The following CCDC7 variants were observed in gnomAD, a reference collection of about 807,000 sequenced individuals.
The protein encoded by CCDC7 is coiled-coil domain-containing protein 7.
In CCDC7, 183 loss-of-function variants were observed where a neutral mutation model predicts 196.9. That is an observed-to-expected ratio of 0.93 (90% CI 0.82 to 1.05). CCDC7 has a LOEUF of 1.05. CCDC7 is among the 50% of genes least tolerant of loss of function. The probability of loss-of-function intolerance (pLI) is 0.00; values close to 1 mark genes in which losing one functional copy is unlikely to be tolerated. For synonymous variants in CCDC7, 525 were observed against 484.6 expected (o/e 1.08, Z -1.10); for missense variants, 1,540 against 1,482.2 (o/e 1.04, Z -0.64).
chr10:32,671,076 A>G (rs909098667), intron 21 of CCDC7, among the ~76,000 whole-genome samples: 3 of 152,204 alleles, frequency 2.0e-5, no homozygotes, highest in African/African-American at 4.8e-5. Context: ...TTATTATTGA[A>G]TAAAGAAAAT....
chr10:32,821,522 T>C (rs2090190655), intron 31 of CCDC7, among the ~76,000 whole-genome samples: 1 of 152,188 alleles, frequency 6.6e-6, no homozygotes, highest in Admixed American at 6.5e-5. Context: ...CGTATGTTTA[T>C]TGCGGCACTA....
At chr10:32,821,098 A>G (rs1489011118) in intron 31 of CCDC7, among the ~76,000 whole-genome samples, 1 of 152,222 alleles carries the variant, frequency 6.6e-6, no homozygotes, top group Non-Finnish European at 1.5e-5. Context: ...AGAATCTACA[A>G]TGAACTCAAA....
intron 5 of CCDC7, among the ~76,000 whole-genome samples, chr10:32,465,561 G>T (rs1046850119): frequency 6.6e-6 from 1 of 151,426 alleles, no homozygotes; most frequent in Non-Finnish European, 1.5e-5. Context: ...TACCTCTTTG[G>T]CTGTCTTCTT....
chr10:32,788,743 G>A (rs2082241078), intron 29 of CCDC7, among the ~76,000 whole-genome samples: 1 of 152,132 alleles, frequency 6.6e-6, no homozygotes, highest in Non-Finnish European at 1.5e-5. Context: ...CAGGCTAAAG[G>A]TCCACCCCTA....
intron 8 of CCDC7, among the ~76,000 whole-genome samples, chr10:32,484,546 G>A (rs560196304): frequency 6.6e-5 from 10 of 152,274 alleles, no homozygotes; most frequent in African/African-American, 9.6e-5. Context: ...GAATAGGAGT[G>A]GTGAGGGAGG....
intron 28 of CCDC7, among the ~76,000 whole-genome samples, chr10:32,754,990 G>A (rs2076196434): frequency 1.3e-5 from 2 of 152,164 alleles, no homozygotes; most frequent in Admixed American, 1.3e-4. Context: ...GGCTTGGAGG[G>A]TCCCACACCC....
At chr10:32,637,099 G>A (rs1414267675) in intron 20 of CCDC7, among the ~76,000 whole-genome samples, 1 of 152,102 alleles carries the variant, frequency 6.6e-6, no homozygotes, top group Non-Finnish European at 1.5e-5. Flanking sequence ...TTGTGAATTT[G>A]TTTGAGTTCA....
chr10:32,596,152 C>T (rs1170901032), intron 18 of CCDC7, among the ~76,000 whole-genome samples: 1 of 152,080 alleles, frequency 6.6e-6, no homozygotes, highest in African/African-American at 2.4e-5. Context: ...GTGTTAAAAT[C>T]TCCTATTATT....
chr10:32,827,392 G>A (rs1369516130), intron 32 of CCDC7, among the ~76,000 whole-genome samples: 1 of 152,154 alleles, frequency 6.6e-6, no homozygotes, highest in Non-Finnish European at 1.5e-5. Flanking sequence ...GAAGGGCAGA[G>A]GTTTGTCCTC....
At chr10:32,654,445 A>G (rs957818806) in intron 20 of CCDC7, among the ~76,000 whole-genome samples, 1 of 151,850 alleles carries the variant, frequency 6.6e-6, no homozygotes, top group Non-Finnish European at 1.5e-5. Context: ...AAATTAGATT[A>G]CTCTTCTTTC....
At chr10:32,775,141 TA>T (rs1363296473) in intron 28 of CCDC7, among the ~76,000 whole-genome samples, 2 of 152,204 alleles carry the variant, frequency 1.3e-5, no homozygotes, top group African/African-American at 4.8e-5. Context: ...ATTACTGCTA[TA>T]AAGGCATATT....
chr10:32,616,940 A>G, intron 18 of CCDC7, among the ~76,000 whole-genome samples: 1 of 151,316 alleles, frequency 6.6e-6, no homozygotes. Context: ...CTTAATGTTT[A>G]TGTGATGTAT....
chr10:32,743,454 G>A (rs547485774), intron 28 of CCDC7, among the ~76,000 whole-genome samples: 73 of 152,172 alleles, frequency 4.8e-4, no homozygotes, highest in African/African-American at 1.6e-3. Flanking sequence ...ATTGCCTTTG[G>A]TGTTTTAGAC....
intron 32 of CCDC7, among the ~76,000 whole-genome samples, chr10:32,826,428 C>T (rs2091124447): frequency 6.6e-6 from 1 of 152,198 alleles, no homozygotes; most frequent in Non-Finnish European, 1.5e-5. Context: ...CACCATGTGA[C>T]CTGAACTGCC....
Position 32,729,006 on chromosome 10 carries a change from A to G in CCDC7, c.2779+9A>G. On this transcript the variant is annotated intron_variant, in intron 27 of 41. Coordinates refer to ENST00000639629, the Ensembl canonical transcript of CCDC7. Reference sequence around the variant, plus strand: ...AGTGGAAAGACACAAGAGTGAGTATAATAATTATCGATAACTTTAAATTAT... The same window carrying G: ...AGTGGAAAGACACAAGAGTGAGTATGATAATTATCGATAACTTTAAATTAT... 1 of 1,513,634 alleles carries G rather than the reference A, an allele frequency of 6.6e-7. No individual in the cohort carries two copies. Among genetic ancestry groups the G allele is most frequent in the East Asian group, 2.3e-5 (1 of 44,128 alleles). The allele number at this position is 1,513,634 out of a possible 1,614,324, so 93.8% of individuals were successfully genotyped here.
chr10:32,668,603 G>A (rs1179862173), intron 21 of CCDC7, among the ~76,000 whole-genome samples: 1 of 152,082 alleles, frequency 6.6e-6, no homozygotes, highest in South Asian at 2.1e-4. Context: ...TTTGTCAAAG[G>A]CCTTTTCTGC....
At chr10:32,474,062 C>A (rs1366057827) in intron 8 of CCDC7, 39 bp downstream of exon 9, 3 of 1,585,746 alleles carry the variant, frequency 1.9e-6, no homozygotes, top group East Asian at 2.3e-5. Flanking sequence ...GTGATAATAA[C>A]CTCTGTTACA....
intron 1 of CCDC7, among the ~76,000 whole-genome samples, chr10:32,452,225 A>G (rs114395165): frequency 6.6e-6 from 1 of 152,174 alleles, no homozygotes; most frequent in African/African-American, 2.4e-5. Context: ...GTTGTTTACT[A>G]TTCACTCTGT....
chr10:32,496,994 G>C (rs561076953), intron 9 of CCDC7, among the ~76,000 whole-genome samples: 7 of 150,094 alleles, frequency 4.7e-5, no homozygotes, highest in African/African-American at 1.8e-4. Context: ...ACCTTTGGTA[G>C]AATTTGGCTG....
Sources: gnomAD v4.1 joint callset for allele counts (sites outside exome capture counted in the v4.1 genomes callset) on GRCh38, gnomAD v4.1.1 for gene constraint, MANE v1.5 for transcripts, NCBI Gene and HGNC (gene_info 2026-07-23, HGNC 2026-07-21) for gene names.